MYO1C: variants seen among roughly 807,000 people sequenced by gnomAD.
MYO1C encodes the protein myosin IC, also known as unconventional myosin-Ic.
In MYO1C, 104 loss-of-function variants were observed where a neutral mutation model predicts 150.8. That is an observed-to-expected ratio of 0.69 (90% confidence interval 0.59 to 0.81). The LOEUF (loss-of-function observed/expected upper bound fraction) is 0.81. Among genes scored for constraint, MYO1C ranks in the 30% least tolerant of loss-of-function variants. MYO1C has a pLI of 0.00. For missense variants in MYO1C, 1,504 were observed against 1,435.0 expected, an observed-to-expected ratio of 1.05 and a Z score of -0.78; for synonymous variants, 663 against 579.9, an observed-to-expected ratio of 1.14 and a Z score of -2.06.
chr17:1,483,769 T>C lies in MYO1C; in HGVS notation c.232-44A>G, dbSNP rs368288374. ...GGTCCAAAGTTTATCCCGGGCCAGG[T>C]GCGATGGCTCATGCCTGTAATCCCA... On this transcript the variant is annotated intron_variant, in intron 2 of 31. Transcript: ENST00000648651. 9.2e-5 allele frequency: 135 copies of C among 1,469,534 alleles called. No individual in the cohort carries two copies. The African/African-American group carries it at 1.8e-3, about 19-fold the overall frequency. The allele number at this position is 1,469,534 out of a possible 1,614,324, so 91.0% of individuals were successfully genotyped here.
intron 25 of MYO1C, 196 bp downstream of exon 25, chr17:1,469,335 G>C: frequency 1.6e-6 from 1 of 630,882 alleles, no homozygotes; most frequent in Admixed American, 2.2e-5. Context: ...AGATAAATAC[G>C]GTAGGCGGGG....
chr17:1,474,720 G>A, intron 16 of MYO1C, 30 bp from the exon 17 acceptor site: 4 of 1,613,722 alleles, frequency 2.5e-6, no homozygotes, highest in Non-Finnish European at 3.4e-6. Context: ...GTCAGGGTGG[G>A]GCACAGGGAC....
intron 24 of MYO1C, among the ~76,000 whole-genome samples, chr17:1,469,962 G>A (rs2074264635): frequency 6.6e-6 from 1 of 152,130 alleles, no homozygotes; most frequent in Non-Finnish European, 1.5e-5. Context: ...TTGAACCCGG[G>A]AGGCGGAGGT....
At chr17:1,484,446 GGGCCTGGGTGCTGA>G (rs943317934) in intron 1 of MYO1C, 143 bp from the exon 2 acceptor site, 23 of 516,226 alleles carry the variant, frequency 4.5e-5, no homozygotes, top group South Asian at 1.4e-4. Context: ...CGGGTGCGGG[GGGCCTGGGTGCTGA>G]GGGCCTGGGT....
Position 1,492,531 on chromosome 17 carries a change from A to AGCAAGAGCTGCCTGCCC in MYO1C, c.-61_-45dup. ...AGCGGCCTGGGCACCGCGGCCTGTG[A>AGCAAGAGCTGCCTGCCC]GCAAGAGCTGCCTGCCCACTGGCGG... On this transcript the variant is annotated 5_prime_UTR_variant, in exon 1 of 32. Transcript: ENST00000648651. 1 of 1,554,872 alleles carries AGCAAGAGCTGCCTGCCC rather than the reference A, an allele frequency of 6.4e-7. No individual in the cohort carries two copies. Among genetic ancestry groups the AGCAAGAGCTGCCTGCCC allele is most frequent in the Non-Finnish European group, 8.7e-7 (1 of 1,146,352 alleles).
chr17:1,484,059 T>G, intron 2 of MYO1C, 89 bp downstream of exon 2: 1 of 1,519,294 alleles, frequency 6.6e-7, no homozygotes, highest in Non-Finnish European at 8.9e-7. Context: ...AAAAAAAGTT[T>G]ATCCCGGTGA....
chr17:1,492,031 C>G (rs1385929022), intron 1 of MYO1C: 1 of 308,138 alleles, frequency 3.2e-6, no homozygotes, highest in African/African-American at 2.2e-5. Flanking sequence ...TCCTTCTGTT[C>G]TGAGTCTTGG....
Position 1,479,323 on chromosome 17 carries a change from C to CCA in MYO1C, c.1092+106_1092+107dup. The CCA allele has an allele frequency of 1.3e-6, 1 of 743,382 alleles. No individual in the cohort carries two copies. The highest frequency in any genetic ancestry group is 2.3e-6 in the Non-Finnish European group (1 of 427,252). 46.0% of individuals were successfully genotyped at this position (743,382 alleles called of 1,614,324 possible). A position where few individuals can be genotyped will look rare whatever the true frequency, so the allele number is the denominator to read the frequency against. ...TCTGCTTCTCTGAGCAGCCTTCCTT[C>CCA]CATCCCTCCAGCATTGCTGAGGGAA... On this transcript the variant is annotated intron_variant, in intron 9 of 31. Coordinates refer to ENST00000648651, the MANE Select transcript of MYO1C (RefSeq NM_001080779.2). The surrounding 1 kb of genome is among the most constrained non-coding windows in gnomAD (Gnocchi z 4.2).
At chr17:1,466,148 G>T (rs933728063) in intron 31 of MYO1C, among the ~76,000 whole-genome samples, 3 of 141,222 alleles carry the variant, frequency 2.1e-5, no homozygotes, top group Non-Finnish European at 3.0e-5. Flanking sequence ...GCATTGCCGT[G>T]CTGCCTTTTT....
chr17:1,492,041 G>C (rs2074741391), intron 1 of MYO1C: 2 of 330,922 alleles, frequency 6.0e-6, no homozygotes, highest in Non-Finnish European at 1.2e-5. Flanking sequence ...CTGAGTCTTG[G>C]GCGGTCCCAG....
chr17:1,486,210 C>A (rs982149887), intron 1 of MYO1C: 1 of 152,226 alleles, frequency 6.6e-6, no homozygotes, highest in Non-Finnish European at 1.5e-5. Flanking sequence ...ACGGCCGGCG[C>A]GCCCGGCGGG....
chr17:1,483,899 G>A (rs937110760), intron 2 of MYO1C, among the ~76,000 whole-genome samples, 174 bp from the exon 3 acceptor site: 6 of 152,028 alleles, frequency 3.9e-5, no homozygotes, highest in African/African-American at 1.2e-4. Context: ...AAAATTAGCC[G>A]GGCGTGGTGG....
rs927186227 is a variant in MYO1C at position 1,478,860 on chromosome 17, T to C, written c.1093-125A>G. On this transcript the variant is annotated intron_variant, in intron 9 of 31. Transcript: ENST00000648651. The surrounding 1 kb of genome is among the most constrained non-coding windows in gnomAD (Gnocchi z 6.3). ...ACTCCCAGCTCCAGCAAGCCTGCAG[T>C]ATGGGGAGGGGTGCTGGTAGTGGGA... The C allele has an allele frequency of 2.0e-6, 3 of 1,470,850 alleles. No homozygotes were observed. Among genetic ancestry groups the C allele is most frequent in the Non-Finnish European group, 2.8e-6 (3 of 1,081,542 alleles). The allele number at this position is 1,470,850 out of a possible 1,614,324, so 91.1% of individuals were successfully genotyped here.
intron 14 of MYO1C, 73 bp downstream of exon 14, chr17:1,477,432 G>A: frequency 7.2e-7 from 1 of 1,382,632 alleles, no homozygotes; most frequent in Non-Finnish European, 1.0e-6. Flanking sequence ...TGTGATGGCG[G>A]AGGGACTCCT....
chr17:1,477,600 G>A lies in MYO1C; in HGVS notation c.1483-4C>T, dbSNP rs200938541. ...CGGGGCGCAGACACTCCTCATCCTG[G>A]GGGGTGTGGCACAGGGGGAAGGACG... On this transcript the variant is annotated splice_polypyrimidine_tract_variant and splice_region_variant and intron_variant, in intron 13 of 31. Coordinates refer to ENST00000648651, the MANE Select transcript of MYO1C (RefSeq NM_001080779.2). The A allele has an allele frequency of 2.2e-5, 35 of 1,611,474 alleles. No individual in the cohort carries two copies. In the African/African-American group the frequency reaches 4.4e-4, roughly 20 times the overall value.
intron 1 of MYO1C, chr17:1,486,248 C>A (rs1220254680): frequency 2.0e-5 from 3 of 152,248 alleles, no homozygotes; most frequent in Non-Finnish European, 4.4e-5. Context: ...GGGACGCCGT[C>A]CACCCACACG....
At chr17:1,485,437 G>A in intron 1 of MYO1C, 7 of 835,314 alleles carry the variant, frequency 8.4e-6, no homozygotes, top group Non-Finnish European at 1.0e-5. Flanking sequence ...AAATCCGGCC[G>A]CGGTCCCCGC....
At position 1,465,425 on chromosome 17, in the gene MYO1C, C is replaced by G. The variant is rs923921257; in HGVS notation, c.*301G>C. 52 of 332,238 alleles carry G rather than the reference C, an allele frequency of 1.6e-4. No individual in the cohort carries two copies. The highest frequency in any genetic ancestry group is 7.7e-4 in the South Asian group (5 of 6,460). 20.6% of individuals were successfully genotyped at this position (332,238 alleles called of 1,614,324 possible). On this transcript the variant is annotated 3_prime_UTR_variant, in exon 32 of 32. Coordinates refer to ENST00000648651, the MANE Select transcript of MYO1C (RefSeq NM_001080779.2). Reference sequence around the variant, plus strand: ...GTTTCCTATAAAGCATCAAAAAAACCTCAGAGAAAACCTCAGCAAAAGTTC... The same window carrying G: ...GTTTCCTATAAAGCATCAAAAAAACGTCAGAGAAAACCTCAGCAAAAGTTC...
At chr17:1,490,035 CAAAAAA>C (rs368349826) in intron 1 of MYO1C, among the ~76,000 whole-genome samples, 1 of 104,546 alleles carries the variant, frequency 9.6e-6, no homozygotes, top group Non-Finnish European at 1.9e-5. Flanking sequence ...GACACTGTCT[CAAAAAA>C]AAAAAAAAAA....
Sources: gnomAD v4.1 joint callset for allele counts (sites outside exome capture counted in the v4.1 genomes callset) on GRCh38, gnomAD v4.1.1 for gene constraint, Gnocchi (gnomAD v3.1) non-coding constraint, MANE v1.5 for transcripts, NCBI Gene and HGNC (gene_info 2026-07-23, HGNC 2026-07-21) for gene names.